PPFIBP1: variants seen among roughly 807,000 people sequenced by gnomAD.
PPFIBP1 encodes PPFIB scaffold protein 1, also known as liprin-beta-1.
In PPFIBP1, 112 loss-of-function variants were observed where a neutral mutation model predicts 137.8. The observed-to-expected ratio is 0.81, with a 90% CI of 0.70 to 0.95. PPFIBP1 has a LOEUF of 0.95. PPFIBP1 is among the 40% of genes least tolerant of loss of function. PPFIBP1 has a pLI of 0.00. For missense variants in PPFIBP1, 1,083 were observed against 1,196.6 expected (o/e 0.91, Z 1.40); for synonymous variants, 378 against 417.3 (o/e 0.91, Z 1.15).
At chr12:27,526,500 C>T (rs190164856) in intron 1 of PPFIBP1, among the ~76,000 whole-genome samples, 191 of 152,146 alleles carry the variant, frequency 1.3e-3, no homozygotes, top group Admixed American at 2.0e-3. Flanking sequence ...TGGTTAAATT[C>T]CTGTGACCAA....
intron 2 of PPFIBP1, among the ~76,000 whole-genome samples, chr12:27,621,458 C>T (rs2056338298): frequency 6.6e-6 from 1 of 152,174 alleles, no homozygotes; most frequent in Non-Finnish European, 1.5e-5. Context: ...GTATTTGGCT[C>T]AGTATTCGTT....
At chr12:27,533,577 G>T (rs1198866254) in intron 1 of PPFIBP1, among the ~76,000 whole-genome samples, 1 of 152,148 alleles carries the variant, frequency 6.6e-6, no homozygotes, top group African/African-American at 2.4e-5. Flanking sequence ...TGTACTTGGG[G>T]TGTTAAAAGC....
chr12:27,552,566 G>C (rs1946880931), intron 1 of PPFIBP1: 1 of 152,182 alleles, frequency 6.6e-6, no homozygotes, highest in African/African-American at 2.4e-5. Context: ...ACCAGAGGTG[G>C]AATTCTAGTT....
rs144496397 is a variant in PPFIBP1, at chr12:27,626,441, C to T, written c.-35-6921C>T. 3.3e-5 allele frequency among the ~76,000 whole-genome samples: 5 copies of T among 152,216 alleles called. No homozygotes were observed. The East Asian group carries it at 9.6e-4, about 29-fold the overall frequency. The stretch of plus-strand genomic sequence containing the variant: ...TGTCCCAAGGAGGAAAGACAGGCCT[C>T]AGTGTGTGTGAGTCTAGTGATTGAG... On this transcript the variant is annotated intron_variant, in intron 2 of 29. Coordinates refer to ENST00000228425, the MANE Select transcript of PPFIBP1 (RefSeq NM_003622.4).
At chr12:27,641,330 A>G (rs2058091279) in intron 4 of PPFIBP1, among the ~76,000 whole-genome samples, 2 of 152,210 alleles carry the variant, frequency 1.3e-5, no homozygotes, top group African/African-American at 4.8e-5. Flanking sequence ...GAGCTCAGGA[A>G]AGAACAAAGC....
chr12:27,578,505 C>G (rs1480571433), intron 2 of PPFIBP1, among the ~76,000 whole-genome samples: 12 of 152,134 alleles, frequency 7.9e-5, no homozygotes, highest in Admixed American at 6.6e-4. Context: ...AAGGAAGACA[C>G]AGACTTGGTA....
At position 27,673,845 on chromosome 12, in the gene PPFIBP1, TG is replaced by T; in HGVS notation, c.1380+19del. Reference sequence around the variant, plus strand: ...CTGATGGGGTGGGTTCTGTGTTTTTTGTTTTTTTTTGTCTGTTATCCTGAGA... The same window carrying T: ...CTGATGGGGTGGGTTCTGTGTTTTTTTTTTTTTTTGTCTGTTATCCTGAGA... On this transcript the variant is annotated intron_variant, in intron 16 of 29. Transcript: ENST00000228425. 3 of 1,586,770 alleles carry T rather than the reference TG, an allele frequency of 1.9e-6. No homozygotes were observed. The highest frequency in any genetic ancestry group is 3.4e-5 in the Admixed American group (2 of 59,402).
intron 1 of PPFIBP1, among the ~76,000 whole-genome samples, chr12:27,573,389 T>A (rs2050295452): frequency 6.6e-6 from 1 of 152,172 alleles, no homozygotes; most frequent in African/African-American, 2.4e-5. Context: ...AAAACCATAT[T>A]TGAGCCACAA....
chr12:27,565,265 T>C (rs1025243959), intron 1 of PPFIBP1, among the ~76,000 whole-genome samples: 5 of 152,300 alleles, frequency 3.3e-5, no homozygotes, highest in African/African-American at 1.2e-4. Flanking sequence ...GAGGCTGGCC[T>C]TGCCCAAGGA....
At chr12:27,623,383 C>T (rs1465814465) in intron 2 of PPFIBP1, among the ~76,000 whole-genome samples, 1 of 152,084 alleles carries the variant, frequency 6.6e-6, no homozygotes, top group Non-Finnish European at 1.5e-5. Flanking sequence ...ATAATGATCG[C>T]ATTTATCTAA....
intron 1 of PPFIBP1, among the ~76,000 whole-genome samples, chr12:27,570,857 T>G (rs919049642): frequency 3.3e-5 from 5 of 151,864 alleles, no homozygotes; most frequent in Admixed American, 2.0e-4. Flanking sequence ...AGCTTGCAGT[T>G]AGCCGAGATG....
chr12:27,679,924 C>T lies in PPFIBP1; in HGVS notation c.1767-9C>T. 2 of 1,614,010 alleles carry T rather than the reference C, an allele frequency of 1.2e-6. No individual in the cohort carries two copies. Among genetic ancestry groups the T allele is most frequent in the Non-Finnish European group, 1.7e-6 (2 of 1,179,964 alleles). On this transcript the variant is annotated splice_polypyrimidine_tract_variant and intron_variant, in intron 20 of 29. Coordinates refer to ENST00000228425, the MANE Select transcript of PPFIBP1 (RefSeq NM_003622.4). ...GTCTAATACTGGCCATGTGTGTTGT[C>T]TTCTTTAGACTTAGGAGAAGTCAAT...
intron 2 of PPFIBP1, among the ~76,000 whole-genome samples, chr12:27,581,180 C>T (rs2061724): frequency 0.64 from 97,314 of 152,044 alleles, 32,429 homozygotes; most frequent in Middle Eastern, 0.78. Context: ...TAAGCGTGAG[C>T]CACTGCTCCC....
intron 2 of PPFIBP1, among the ~76,000 whole-genome samples, chr12:27,626,984 A>G (rs1442687994): frequency 3.9e-5 from 6 of 152,176 alleles, no homozygotes; most frequent in African/African-American, 1.4e-4. Context: ...TTATGAGTAC[A>G]TAGTAGGTAT....
intron 1 of PPFIBP1, among the ~76,000 whole-genome samples, chr12:27,574,060 G>A (rs1392782547): frequency 6.6e-6 from 1 of 151,554 alleles, no homozygotes; most frequent in East Asian, 1.9e-4. Flanking sequence ...GAGTAATTTA[G>A]TGCTATGTTT....
chr12:27,638,163 G>A (rs1179636419), intron 4 of PPFIBP1, among the ~76,000 whole-genome samples: 6 of 152,126 alleles, frequency 3.9e-5, no homozygotes, highest in Admixed American at 3.3e-4. Flanking sequence ...CAATGTAAAT[G>A]TACTTACTAC....
intron 2 of PPFIBP1, among the ~76,000 whole-genome samples, chr12:27,629,357 C>T (rs1487005338): frequency 6.6e-6 from 1 of 152,126 alleles, no homozygotes; most frequent in Non-Finnish European, 1.5e-5. Flanking sequence ...ACTTGTGTAA[C>T]CTATATCTCA....
Position 27,692,808 on chromosome 12 carries a change from GAAGATGACATGTTTA to G in PPFIBP1, c.2950_2964del (p.Asp984_Asp988del). The G allele has an allele frequency of 6.2e-7, 1 of 1,614,120 alleles. No individual in the cohort carries two copies. Among genetic ancestry groups the G allele is most frequent in the Non-Finnish European group, 8.5e-7 (1 of 1,180,002 alleles). ...CCTTGTTTTCCAGCACATGTTAAAA[GAAGATGACATGTTTA>G]AAGATTTTGCTGCCCGTTCCCCCAG... On this transcript the variant is annotated inframe_deletion, in exon 30 of 30. Coordinates refer to ENST00000228425, the MANE Select transcript of PPFIBP1 (RefSeq NM_003622.4).
chr12:27,680,295 G>A (rs1393551708), intron 21 of PPFIBP1, among the ~76,000 whole-genome samples: 1 of 152,226 alleles, frequency 6.6e-6, no homozygotes, highest in Non-Finnish European at 1.5e-5. Context: ...AGCAGCATCT[G>A]TGTTAGAATG....
Sources: gnomAD v4.1 joint callset for allele counts (sites outside exome capture counted in the v4.1 genomes callset) on GRCh38, gnomAD v4.1.1 for gene constraint, MANE v1.5 for transcripts, NCBI Gene and HGNC (gene_info 2026-07-23, HGNC 2026-07-21) for gene names.